KYAT3: variants seen among roughly 807,000 people sequenced by gnomAD.
KYAT3 encodes kynurenine aminotransferase 3.
KYAT3 carries 50 observed loss-of-function variants against 59.0 expected under a neutral mutation model. The observed-to-expected ratio is 0.85, with a 90% CI of 0.68 to 1.07. The LOEUF (loss-of-function observed/expected upper bound fraction) is 1.07. Among genes scored for constraint, KYAT3 ranks in the 50% least tolerant of loss-of-function variants. The pLI is 0.00. For synonymous variants in KYAT3, 148 were observed against 177.0 expected (o/e 0.84, Z 1.30); for missense variants, 497 against 533.3 (o/e 0.93, Z 0.67).
At chr1:88,982,713 TTGG>T (rs1677161027) in intron 2 of KYAT3, 3 of 1,613,948 alleles carry the variant, frequency 1.9e-6, no homozygotes, top group Non-Finnish European at 2.5e-6. Context: ...CCAGCACCTC[TTGG>T]TGCTCCGCGG....
At chr1:88,949,053 G>A (rs1185785721) in intron 11 of KYAT3, 38 bp downstream of exon 11, 2 of 1,428,530 alleles carry the variant, frequency 1.4e-6, no homozygotes, top group African/African-American at 3.0e-5. Flanking sequence ...TCACACATAA[G>A]TTTCCGTATA....
At chr1:88,968,582 G>T in intron 4 of KYAT3, 88 bp downstream of exon 4, 1 of 1,070,284 alleles carries the variant, frequency 9.3e-7, no homozygotes, top group Non-Finnish European at 1.3e-6. Context: ...ACTTATATAT[G>T]AATGACAGAA....
chr1:88,923,310 A>T, the KYAT3 span: 1 of 152,198 alleles, frequency 6.6e-6, no homozygotes, highest in Non-Finnish European at 1.5e-5. Flanking sequence ...GTCACAGTTT[A>T]AAAATTTCCT....
At position 88,949,193 on chromosome 1, in the gene KYAT3, C is replaced by G. The variant is rs1440582184; in HGVS notation, c.1039G>C (p.Glu347Gln). The change falls in exon 11 of 14, where the codon GAA becomes CAA. Residue 347 changes from glutamate to glutamine, a missense_variant. Glu to Gln is a conservative substitution (Grantham distance 29). Coordinates refer to ENST00000260508, the MANE Select transcript of KYAT3 (RefSeq NM_001008661.3). ...CYFNSLPKEL[E>Q]VKRDRMVRLL... is the part of the protein sequence containing the mutation. ...CGTACCATCCGATCTCTTTTTACTT[C>G]TAACTCTTTTGGCAAAGAATTAAAG... 2 of 1,610,426 alleles carry G rather than the reference C, an allele frequency of 1.2e-6. No homozygotes were observed. Among genetic ancestry groups the G allele is most frequent in the Non-Finnish European group, 1.7e-6 (2 of 1,178,644 alleles).
At chr1:88,989,824 A>G (rs1026505958) in intron 1 of KYAT3, among the ~76,000 whole-genome samples, 1 of 151,980 alleles carries the variant, frequency 6.6e-6, no homozygotes, top group Admixed American at 6.6e-5. Context: ...CCTCTCTCCT[A>G]TCTGTCTTCT....
At chr1:88,924,106 AAGTG>A in the KYAT3 span, among the ~76,000 whole-genome samples, 6 of 152,152 alleles carry the variant, frequency 3.9e-5, no homozygotes, top group African/African-American at 1.4e-4. Flanking sequence ...AATCTTAACT[AAGTG>A]ATTTGTGGTT....
In KYAT3 at chr1:88,961,226, CAG is replaced by C. The variant is rs1557691624; in HGVS notation, c.726_727del (p.Cys243HisfsTer4). The C allele has an allele frequency of 6.2e-7, 1 of 1,613,440 alleles. No individual in the cohort carries two copies. Among genetic ancestry groups the C allele is most frequent in the African/African-American group, 1.3e-5 (1 of 75,032 alleles). On this transcript the variant is annotated frameshift_variant, in exon 8 of 14. Coordinates refer to ENST00000260508, the MANE Select transcript of KYAT3 (RefSeq NM_001008661.3). LOFTEE classifies it high-confidence loss of function. ...CCATTCATAAACCTCATCGCTGATG[CAG>C]AGTGTGTCATATTTGATGCAAAGGT...
downstream of KYAT3, among the ~76,000 whole-genome samples, chr1:88,930,864 A>T (rs920315937): frequency 6.6e-6 from 1 of 152,178 alleles, no homozygotes; most frequent in African/African-American, 2.4e-5. Flanking sequence ...CAGAAAGGAA[A>T]GGAAAGGGAA....
intron 11 of KYAT3, among the ~76,000 whole-genome samples, chr1:88,948,678 A>G (rs1452054637): frequency 6.6e-6 from 1 of 152,236 alleles, no homozygotes; most frequent in Non-Finnish European, 1.5e-5. Flanking sequence ...ACATTCTAAA[A>G]TGGCAAATAT....
chr1:88,965,081 G>T, intron 4 of KYAT3, 103 bp from the exon 5 acceptor site: 2 of 884,302 alleles, frequency 2.3e-6, no homozygotes, highest in East Asian at 2.9e-5. Context: ...ATTTGGATTT[G>T]ATGTTTATAA....
At chr1:88,968,529 G>T in intron 4 of KYAT3, 141 bp downstream of exon 4, 1 of 594,258 alleles carries the variant, frequency 1.7e-6, no homozygotes, top group Non-Finnish European at 2.8e-6. Flanking sequence ...AAGGGCAGAA[G>T]TTTCTGTGGT....
intron 8 of KYAT3, among the ~76,000 whole-genome samples, chr1:88,958,032 C>T (rs1365460259): frequency 6.6e-6 from 1 of 152,090 alleles, no homozygotes; most frequent in Non-Finnish European, 1.5e-5. Flanking sequence ...TCCATGTGTC[C>T]AGCTACCACC....
intron 2 of KYAT3, among the ~76,000 whole-genome samples, chr1:88,975,089 C>T (rs534955448): frequency 6.6e-5 from 10 of 151,902 alleles, no homozygotes; most frequent in Non-Finnish European, 1.5e-4. Flanking sequence ...AACATTAACC[C>T]GAGGGTCTGT....
the KYAT3 span, among the ~76,000 whole-genome samples, chr1:88,929,262 C>A: frequency 1.3e-5 from 2 of 152,078 alleles, no homozygotes; most frequent in Non-Finnish European, 2.9e-5. Flanking sequence ...AGAAACCCAA[C>A]GGACAGTGGA....
intron 8 of KYAT3, among the ~76,000 whole-genome samples, chr1:88,958,978 C>T (rs1676034378): frequency 6.6e-6 from 1 of 152,120 alleles, no homozygotes; most frequent in Admixed American, 6.6e-5. Context: ...TAAAACACAC[C>T]CTCATAAATC....
chr1:88,969,499 C>T lies in KYAT3; in HGVS notation c.100-32G>A, dbSNP rs749761263. 7 of 1,310,154 alleles carry T rather than the reference C, an allele frequency of 5.3e-6. No individual in the cohort carries two copies. In the Admixed American group the frequency reaches 7.2e-5, roughly 13 times the overall value. 81.2% of individuals were successfully genotyped at this position (1,310,154 alleles called of 1,614,324 possible). A position where few individuals can be genotyped will look rare whatever the true frequency, so the allele number is the denominator to read the frequency against. On this transcript the variant is annotated intron_variant, in intron 2 of 13. Coordinates refer to ENST00000260508, the MANE Select transcript of KYAT3 (RefSeq NM_001008661.3). ...TATATAAATATTGAAAAGGAATTGC[C>T]TTAGTCAAAATTTTAAAAGCCAGTA...
At chr1:88,921,107 A>G in the KYAT3 span, among the ~76,000 whole-genome samples, 16 of 152,184 alleles carry the variant, frequency 1.1e-4, no homozygotes, top group African/African-American at 3.9e-4. Flanking sequence ...AGTGGCTTCA[A>G]ACTGCTTCCA....
intron 8 of KYAT3, among the ~76,000 whole-genome samples, chr1:88,960,719 G>A (rs913068379): frequency 2.6e-5 from 4 of 152,148 alleles, no homozygotes; most frequent in Non-Finnish European, 5.9e-5. Flanking sequence ...GCATTCATGA[G>A]ATAGCCCAGT....
At chr1:88,958,027 G>A (rs1353451351) in intron 8 of KYAT3, among the ~76,000 whole-genome samples, 1 of 152,118 alleles carries the variant, frequency 6.6e-6, no homozygotes, top group East Asian at 1.9e-4. Context: ...TCTCTTCCAT[G>A]TGTCCAGCTA....
Sources: allele counts gnomAD v4.1 joint callset (sites outside exome capture counted in the v4.1 genomes callset), GRCh38; gene constraint gnomAD v4.1.1; transcripts MANE v1.5; gene names NCBI Gene and HGNC (gene_info 2026-07-23, HGNC 2026-07-21).